TNS1: variants seen among roughly 807,000 people sequenced by gnomAD.
The protein encoded by TNS1 is tensin 1.
TNS1 carries 62 observed loss-of-function variants against 168.6 expected under a neutral mutation model. That is an observed-to-expected ratio of 0.37 (90% CI 0.30 to 0.45). The LOEUF (loss-of-function observed/expected upper bound fraction) is 0.45, where lower values mean the gene tolerates loss of function less well. Ranked by LOEUF, TNS1 falls within the 20% of genes least tolerant of loss-of-function variation. The probability of loss-of-function intolerance (pLI) is 1.00; values close to 1 mark genes in which losing one functional copy is unlikely to be tolerated. For missense variants in TNS1, 2,240 were observed against 2,339.4 expected (o/e 0.96, Z 0.88); for synonymous variants, 934 against 933.2 (o/e 1.00, Z -0.02).
intron 12 of TNS1, among the ~76,000 whole-genome samples, chr2:217,887,378 G>A (rs1199772695): frequency 6.6e-6 from 1 of 152,050 alleles, no homozygotes; most frequent in Non-Finnish European, 1.5e-5. Context: ...GCGCAATCTC[G>A]GCTCACCGCA....
At chr2:217,947,533 G>A (rs929193680) in intron 3 of TNS1, among the ~76,000 whole-genome samples, 1 of 152,148 alleles carries the variant, frequency 6.6e-6, no homozygotes, top group Non-Finnish European at 1.5e-5. Context: ...ATGGAGCTGG[G>A]GGTGGCGGGA....
In TNS1 at chr2:217,836,108, G is replaced by T; in HGVS notation, c.3111C>A (p.Ser1037=). ...GGGAGCGAACCCCAGGGCTACGAGG[G>T]GATGTGGCTTCTGGAGACTGGTTCT... ...QYENQSPEAT[S]PRSPGVRSPV... Residue 1037 remains serine, a synonymous_variant, in exon 20 of 33, where the codon TCC becomes TCA. Coordinates refer to ENST00000682258, the MANE Select transcript of TNS1 (RefSeq NM_001387777.1). 6.2e-7 allele frequency: 1 copy of T among 1,614,068 alleles called. No individual in the cohort carries two copies. The highest frequency in any genetic ancestry group is 8.5e-7 in the Non-Finnish European group (1 of 1,180,002).
At chr2:217,837,590 A>C (rs1339119749) in intron 19 of TNS1, among the ~76,000 whole-genome samples, 3 of 152,266 alleles carry the variant, frequency 2.0e-5, no homozygotes, top group African/African-American at 7.2e-5. Flanking sequence ...CATTAAATGC[A>C]GAAGGTACCG....
At chr2:218,015,283 C>T (rs753355259), upstream of TNS1, among the ~76,000 whole-genome samples, 5 of 152,224 alleles carry the variant, frequency 3.3e-5, no homozygotes, top group Non-Finnish European at 5.9e-5. Context: ...AGGAGGCCCT[C>T]ATTCCTGAGT....
chr2:217,840,831 C>T (rs1441225311), intron 19 of TNS1, among the ~76,000 whole-genome samples: 1 of 152,238 alleles, frequency 6.6e-6, no homozygotes, highest in Non-Finnish European at 1.5e-5. Context: ...TCAGGGGACC[C>T]TGAATGTTAG....
chr2:217,996,744 C>T (rs1176690723), intron 1 of TNS1, among the ~76,000 whole-genome samples: 1 of 152,118 alleles, frequency 6.6e-6, no homozygotes. Flanking sequence ...CCTCCTGGGC[C>T]CCGACACCAG....
rs749281992 is a variant in TNS1 at position 217,848,739 on chromosome 2, G to C, written c.1778C>G (p.Ala593Gly). The change falls in exon 19 of 33, where the codon GCA (alanine) becomes GGA (glycine). Residue 593 changes from alanine to glycine, a missense_variant. This residue lies in a region of TNS1 where 2,131 missense variants were observed against 2,171.2 expected (regional missense o/e 0.98). Coordinates refer to ENST00000682258, the MANE Select transcript of TNS1 (RefSeq NM_001387777.1). Reference sequence around the variant, plus strand: ...AGAGGAGGGCACAGCCGAGCCCCCTGCTGGGCGGGACCTGAGGTGCTGGGT... The same window carrying C: ...AGAGGAGGGCACAGCCGAGCCCCCTCCTGGGCGGGACCTGAGGTGCTGGGT... ...YHTQHLRSRP[A>G]GGSAVPSSGR... 1 of 1,614,084 alleles carries C rather than the reference G, an allele frequency of 6.2e-7. No homozygotes were observed. The highest frequency in any genetic ancestry group is 8.5e-7 in the Non-Finnish European group (1 of 1,180,034).
At chr2:217,832,628 C>G (rs56724923) in intron 21 of TNS1, among the ~76,000 whole-genome samples, 4,420 of 152,254 alleles carry the variant, frequency 0.029, 202 homozygotes, top group African/African-American at 0.1. Flanking sequence ...TGCTGCTTTC[C>G]CCAAAAGACA....
intron 18 of TNS1, among the ~76,000 whole-genome samples, chr2:217,857,493 A>C (rs1574838895): frequency 1.3e-5 from 2 of 152,222 alleles, no homozygotes; most frequent in South Asian, 4.1e-4. Flanking sequence ...ACCACAGGAC[A>C]ACATAATATA....
chr2:217,872,910 G>C (rs916783713), intron 18 of TNS1, among the ~76,000 whole-genome samples: 1 of 152,150 alleles, frequency 6.6e-6, no homozygotes, highest in Admixed American at 6.5e-5. Context: ...ATGAAACATT[G>C]GGTCAAGTAA....
chr2:217,976,880 T>C (rs1216676969), intron 3 of TNS1, among the ~76,000 whole-genome samples: 2 of 152,194 alleles, frequency 1.3e-5, no homozygotes, highest in Non-Finnish European at 2.9e-5. Flanking sequence ...GAGAAATGCA[T>C]GCCAGTAGGC....
intron 2 of TNS1, among the ~76,000 whole-genome samples, chr2:217,980,928 A>C (rs1216223258): frequency 6.6e-6 from 1 of 152,144 alleles, no homozygotes; most frequent in Non-Finnish European, 1.5e-5. Context: ...ACCCAAAGTC[A>C]TCTCCTCAAA....
At chr2:217,870,680 T>G (rs1378441789) in intron 18 of TNS1, among the ~76,000 whole-genome samples, 3 of 152,180 alleles carry the variant, frequency 2.0e-5, no homozygotes, top group Admixed American at 2.0e-4. Flanking sequence ...GGCTCCGGCC[T>G]TCCAGCCTGC....
At chr2:217,886,219 G>A (rs1301561661) in intron 13 of TNS1, 115 bp from the exon 14 acceptor site, 2 of 1,120,478 alleles carry the variant, frequency 1.8e-6, no homozygotes, top group African/African-American at 1.6e-5. Context: ...GGAAGACGGG[G>A]TAGGAAGGGG....
intron 18 of TNS1, among the ~76,000 whole-genome samples, chr2:217,863,093 C>T (rs758202079): frequency 3.3e-5 from 5 of 152,162 alleles, no homozygotes; most frequent in Non-Finnish European, 7.3e-5. Flanking sequence ...TCTTTTCATT[C>T]GTAGGTATAA....
At chr2:217,946,553 T>G (rs1416123504) in intron 3 of TNS1, among the ~76,000 whole-genome samples, 1 of 152,188 alleles carries the variant, frequency 6.6e-6, no homozygotes, top group East Asian at 1.9e-4. Context: ...ATATGAAGAC[T>G]TTTATTTTTG....
At chr2:217,944,714 A>G (rs915565614) in intron 3 of TNS1, among the ~76,000 whole-genome samples, 1 of 152,200 alleles carries the variant, frequency 6.6e-6, no homozygotes, top group Non-Finnish European at 1.5e-5. Context: ...ACATGCTTCA[A>G]CTCTCTTTGA....
chr2:217,832,922 A>G (rs749035578), intron 21 of TNS1, among the ~76,000 whole-genome samples: 3 of 152,030 alleles, frequency 2.0e-5, no homozygotes, highest in Non-Finnish European at 4.4e-5. Context: ...CTGTCTTTAC[A>G]TAGACACACA....
chr2:217,929,260 G>A (rs3791911), intron 3 of TNS1, among the ~76,000 whole-genome samples: 25,222 of 152,130 alleles, frequency 0.17, 2,262 homozygotes, highest in African/African-American at 0.19. Flanking sequence ...CAACCCAAGC[G>A]GGGATCTCAA....
Sources: allele counts gnomAD v4.1 joint callset (sites outside exome capture counted in the v4.1 genomes callset), GRCh38; gene constraint gnomAD v4.1.1; regional missense constraint gnomAD v4.1.1; transcripts MANE v1.5; gene names NCBI Gene and HGNC (gene_info 2026-07-23, HGNC 2026-07-21).